The following ARRDC4 variants were observed in gnomAD, a reference collection of about 807,000 sequenced individuals.
ARRDC4 encodes the protein arrestin domain containing 4, also known as arrestin domain-containing protein 4.
A neutral mutation model predicts 44.6 loss-of-function variants in ARRDC4; 40 were observed. That is an observed-to-expected ratio of 0.90 (90% CI 0.70 to 1.17). The LOEUF is 1.17. Among genes scored for constraint, ARRDC4 ranks in the 50% most tolerant of loss-of-function variants. The pLI is 0.00. For missense variants in ARRDC4, 550 were observed against 559.1 expected, an observed-to-expected ratio of 0.98 and a Z score of 0.16; for synonymous variants, 211 against 221.2, an observed-to-expected ratio of 0.95 and a Z score of 0.41.
chr15:97,969,775 C>T (rs113040079), intron 5 of ARRDC4, 108 bp from the exon 6 acceptor site: 24,886 of 1,040,382 alleles, frequency 0.024, 467 homozygotes, highest in African/African-American at 0.079. Flanking sequence ...TGGTGGCAGC[C>T]GACAAAAGCA....
Position 97,966,110 on chromosome 15 carries a change from G to A in ARRDC4, c.522+68G>A, listed in dbSNP as rs1899416531. On this transcript the variant is annotated intron_variant, in intron 3 of 7. Transcript: ENST00000268042. This position sits in a 1 kb window ranked among gnomAD's most constrained non-coding sequence, Gnocchi z 4.7. Reference sequence around the variant, plus strand: ...CCTCCCTTCCTCCTTCCTTTCAACAGTGGGATCTATATTTAGCCAGTTTAC... The same window carrying A: ...CCTCCCTTCCTCCTTCCTTTCAACAATGGGATCTATATTTAGCCAGTTTAC... The A allele has an allele frequency of 6.5e-7, 1 of 1,541,918 alleles. No homozygotes were observed. The highest frequency in any genetic ancestry group is 2.3e-5 in the East Asian group (1 of 42,942).
In ARRDC4 at chr15:97,971,383, G is replaced by A. The variant is rs1364730338; in HGVS notation, c.*196G>A. Reference sequence around the variant, plus strand: ...TGCCGCACAAGTTTATATGATGGTCGTATATATATCCCTGTTAAAAACTGG... The same window carrying A: ...TGCCGCACAAGTTTATATGATGGTCATATATATATCCCTGTTAAAAACTGG... On this transcript the variant is annotated 3_prime_UTR_variant, in exon 8 of 8. Transcript: ENST00000268042. 5 of 577,576 alleles carry A rather than the reference G, an allele frequency of 8.7e-6. No individual in the cohort carries two copies. The highest frequency in any genetic ancestry group is 4.0e-5 in the South Asian group (2 of 50,460). 35.8% of individuals were successfully genotyped at this position (577,576 alleles called of 1,614,324 possible). A position where few individuals can be genotyped will look rare whatever the true frequency, so the allele number is the denominator to read the frequency against.
Position 97,960,982 on chromosome 15 carries a change from C to A in ARRDC4, c.121C>A (p.His41Asn). Reference protein sequence around the residue: ...CYSSGETVAGHVLLEASEPVA... With the variant: ...CYSSGETVAGNVLLEASEPVA... ...TTCCAGCGGCGAGACAGTGGCCGGG[C>A]ACGTGCTGCTGGAGGCGTCCGAGCC... Residue 41 changes from histidine to asparagine, a missense_variant, in exon 1 of 8, where the codon CAC (histidine) becomes AAC (asparagine). Physicochemically the swap from His to Asn is moderately conservative, Grantham distance 68 (BLOSUM62 1). Coordinates refer to ENST00000268042, the MANE Select transcript of ARRDC4 (RefSeq NM_183376.3). 1 of 1,461,340 alleles carries A rather than the reference C, an allele frequency of 6.8e-7. No homozygotes were observed. The highest frequency in any genetic ancestry group is 9.0e-7 in the Non-Finnish European group (1 of 1,105,794). The allele number at this position is 1,461,340 out of a possible 1,614,324, so 90.5% of individuals were successfully genotyped here. A position where few individuals can be genotyped will look rare whatever the true frequency, so the allele number is the denominator to read the frequency against.
Position 97,969,261 on chromosome 15 carries a change from G to A in ARRDC4, c.764G>A (p.Arg255Gln), listed in dbSNP as rs747537182. The change falls in exon 5 of 8, where the codon CGA (arginine) becomes CAA (glutamine). Residue 255 changes from arginine (R) to glutamine (Q), a missense_variant. Coordinates refer to ENST00000268042, the MANE Select transcript of ARRDC4 (RefSeq NM_183376.3). ...KTIRHMVANVRGNHIASGSTD... is the reference protein window; with the variant it reads ...KTIRHMVANVQGNHIASGSTD... ...ATTCGACACATGGTCGCCAATGTGCGAGGAAACCACATCGCTTCTGGGAGC... is the reference window on the plus strand; with the variant it reads ...ATTCGACACATGGTCGCCAATGTGCAAGGAAACCACATCGCTTCTGGGAGC... 40 of 1,613,792 alleles carry A rather than the reference G, an allele frequency of 2.5e-5. No individual in the cohort carries two copies. The East Asian group carries it at 4.2e-4, about 17-fold the overall frequency.
In ARRDC4 at chr15:97,965,281, A is replaced by C. The variant is rs1378562866; in HGVS notation, c.308-319A>C. Reference sequence around the variant, plus strand: ...CCCTCGTCTCTGGAAAGAATTATTAAAAATTAGTCAAGAACCATGGCACAT... The same window carrying C: ...CCCTCGTCTCTGGAAAGAATTATTACAAATTAGTCAAGAACCATGGCACAT... On this transcript the variant is annotated intron_variant, in intron 1 of 7. Transcript: ENST00000268042. The surrounding 1 kb of genome is among the most constrained non-coding windows in gnomAD (Gnocchi z 5.1). 6.6e-6 allele frequency among the ~76,000 whole-genome samples: 1 copy of C among 152,122 alleles called. No homozygotes were observed. Among genetic ancestry groups the C allele is most frequent in the African/African-American group, 2.4e-5 (1 of 41,418 alleles).
chr15:97,962,952 T>A (rs559249734), intron 1 of ARRDC4, among the ~76,000 whole-genome samples: 1 of 152,340 alleles, frequency 6.6e-6, no homozygotes, highest in African/African-American at 2.4e-5. Flanking sequence ...TTCTTTGACA[T>A]CCTTAATCTA....
rs1298402050 is a variant in ARRDC4 at position 97,965,608 on chromosome 15, A to G, written c.316A>G (p.Ile106Val). Reference sequence around the variant, plus strand: ...AATACAATCTCTTATAGGTGAAGGCATCATTTTATTACAGCCTGGAAAACA... The same window carrying G: ...AATACAATCTCTTATAGGTGAAGGCGTCATTTTATTACAGCCTGGAAAACA... Reference protein sequence around the residue: ...SLREPPAGEGIILLQPGKHEF... With the variant: ...SLREPPAGEGVILLQPGKHEF... The change falls in exon 2 of 8, where the codon ATC (isoleucine) becomes GTC (valine). Residue 106 changes from isoleucine to valine, a missense_variant. By Grantham distance (29) the Ile-to-Val change is conservative. Transcript: ENST00000268042. This position sits in a 1 kb window ranked among gnomAD's most constrained non-coding sequence, Gnocchi z 5.1. The G allele has an allele frequency of 6.2e-7, 1 of 1,610,198 alleles. No homozygotes were observed. The highest frequency in any genetic ancestry group is 8.5e-7 in the Non-Finnish European group (1 of 1,176,578).
chr15:97,962,350 C>A (rs561583334), intron 1 of ARRDC4, among the ~76,000 whole-genome samples: 2 of 152,154 alleles, frequency 1.3e-5, no homozygotes, highest in Non-Finnish European at 2.9e-5. Flanking sequence ...CTCCTTCATG[C>A]ACTTTCCTCA....
In ARRDC4 at chr15:97,965,758, T is replaced by C. The variant is rs1238546567; in HGVS notation, c.374+92T>C. 1.3e-6 allele frequency: 2 copies of C among 1,485,046 alleles called. No individual in the cohort carries two copies. 92.0% of individuals were successfully genotyped at this position (1,485,046 alleles called of 1,614,324 possible). On this transcript the variant is annotated intron_variant, in intron 2 of 7. Transcript: ENST00000268042. This position sits in a 1 kb window ranked among gnomAD's most constrained non-coding sequence, Gnocchi z 5.1. ...CTAGGTCTCTTCTGATTCTCAAGTA[T>C]GCATGTTTACACTGAATAGTCCCTA...
chr15:97,963,759 C>G (rs1385012320), intron 1 of ARRDC4, among the ~76,000 whole-genome samples: 1 of 152,212 alleles, frequency 6.6e-6, no homozygotes, highest in African/African-American at 2.4e-5. Flanking sequence ...AATCTAAGCA[C>G]TACACATTTT....
Position 97,961,057 on chromosome 15 carries a change from G to A in ARRDC4, c.196G>A (p.Ala66Thr). Residue 66 changes from alanine to threonine, a missense_variant, in exon 1 of 8, where the codon GCC (alanine) becomes ACC (threonine). Coordinates refer to ENST00000268042, the MANE Select transcript of ARRDC4 (RefSeq NM_183376.3). ...GGAGGCCCAGGGGCGCGCCACCGCCGCCTGGGGCCCGAGCACCTGCCCCCG... is the reference window on the plus strand; with the variant it reads ...GGAGGCCCAGGGGCGCGCCACCGCCACCTGGGGCCCGAGCACCTGCCCCCG... Reference protein sequence around the residue: ...RLEAQGRATAAWGPSTCPRAS... With the variant: ...RLEAQGRATATWGPSTCPRAS... 1 of 1,425,818 alleles carries A rather than the reference G, an allele frequency of 7.0e-7. No homozygotes were observed. The highest frequency in any genetic ancestry group is 3.1e-5 in the East Asian group (1 of 32,368). The allele number at this position is 1,425,818 out of a possible 1,614,324, so 88.3% of individuals were successfully genotyped here.
chr15:97,969,085 G>A, intron 4 of ARRDC4, 38 bp from the exon 5 acceptor site: 1 of 1,599,224 alleles, frequency 6.3e-7, no homozygotes, highest in East Asian at 2.2e-5. Context: ...ACTTTTTCAA[G>A]AGTCTCTGAA....
At chr15:97,961,269 T>A in intron 1 of ARRDC4, 101 bp downstream of exon 1, 1 of 1,116,822 alleles carries the variant, frequency 9.0e-7, no homozygotes, top group Non-Finnish European at 1.1e-6. Context: ...GCAGGTGAGA[T>A]CAGGGCGGGC....
chr15:97,960,880 T>G lies in ARRDC4; in HGVS notation c.19T>G (p.Cys7Gly). The change falls in exon 1 of 8, where the codon TGC becomes GGC. Residue 7 changes from cysteine (C) to glycine (G), a missense_variant. Coordinates refer to ENST00000268042, the MANE Select transcript of ARRDC4 (RefSeq NM_183376.3). MGGEAG[C>G]AAAVGAEGRV... ...CGGCGGGATGGGCGGGGAGGCTGGG[T>G]GCGCGGCGGCCGTGGGTGCCGAGGG... 1 of 1,386,466 alleles carries G rather than the reference T, an allele frequency of 7.2e-7. No individual in the cohort carries two copies. Among genetic ancestry groups the G allele is most frequent in the South Asian group, 1.6e-5 (1 of 61,660 alleles). The allele number at this position is 1,386,466 out of a possible 1,614,324, so 85.9% of individuals were successfully genotyped here.
In ARRDC4 at chr15:97,960,759, C is replaced by T; in HGVS notation, c.-103C>T. 4.6e-6 allele frequency: 5 copies of T among 1,091,962 alleles called. No individual in the cohort carries two copies. Among genetic ancestry groups the T allele is most frequent in the Middle Eastern group, 3.4e-4 (1 of 2,946 alleles). 67.6% of individuals were successfully genotyped at this position (1,091,962 alleles called of 1,614,324 possible). A position where few individuals can be genotyped will look rare whatever the true frequency, so the allele number is the denominator to read the frequency against. ...GGGTACCGCACGGCTGCCGCGGCGG[C>T]CTTACCCTGCCGCGAGCGCCTGTGA... On this transcript the variant is annotated 5_prime_UTR_variant, in exon 1 of 8. Coordinates refer to ENST00000268042, the MANE Select transcript of ARRDC4 (RefSeq NM_183376.3).
Position 97,971,357 on chromosome 15 carries a change from T to C in ARRDC4, c.*170T>C, listed in dbSNP as rs1291576274. ...AGAAAGTTCTGGTGGGCCGGCAGGA[T>C]TGCCGCACAAGTTTATATGATGGTC... On this transcript the variant is annotated 3_prime_UTR_variant, in exon 8 of 8. Coordinates refer to ENST00000268042, the MANE Select transcript of ARRDC4 (RefSeq NM_183376.3). The C allele has an allele frequency of 1.5e-6, 1 of 655,160 alleles. No individual in the cohort carries two copies. Among genetic ancestry groups the C allele is most frequent in the Non-Finnish European group, 2.6e-6 (1 of 383,234 alleles). 40.6% of individuals were successfully genotyped at this position (655,160 alleles called of 1,614,324 possible).
chr15:97,961,751 G>T (rs1473166121), intron 1 of ARRDC4, among the ~76,000 whole-genome samples: 2 of 152,110 alleles, frequency 1.3e-5, no homozygotes, highest in Non-Finnish European at 2.9e-5. Context: ...ACCTCTACCT[G>T]ATACTGCTGC....
intron 1 of ARRDC4, among the ~76,000 whole-genome samples, chr15:97,963,108 C>T (rs1273956454): frequency 6.6e-6 from 1 of 152,242 alleles, no homozygotes; most frequent in Non-Finnish European, 1.5e-5. Context: ...CTCACCCTTC[C>T]TGAGCCCCAG....
At chr15:97,961,707 C>T (rs1203460947) in intron 1 of ARRDC4, among the ~76,000 whole-genome samples, 1 of 152,204 alleles carries the variant, frequency 6.6e-6, no homozygotes, top group Non-Finnish European at 1.5e-5. Context: ...TGGTTTCCCT[C>T]TTCTGGGGAG....
Sources: gnomAD v4.1 joint callset for allele counts (sites outside exome capture counted in the v4.1 genomes callset) on GRCh38, gnomAD v4.1.1 for gene constraint, Gnocchi (gnomAD v3.1) non-coding constraint, MANE v1.5 for transcripts, NCBI Gene and HGNC (gene_info 2026-07-23, HGNC 2026-07-21) for gene names.